The following SLC7A14 variants were observed in gnomAD, a reference collection of about 807,000 sequenced individuals.
SLC7A14 encodes solute carrier family 7 member 14.
In SLC7A14, 37 loss-of-function variants were observed where a neutral mutation model predicts 60.2. The observed-to-expected ratio is 0.61, with a 90% CI of 0.47 to 0.81. SLC7A14 has a LOEUF of 0.81. Ranked by LOEUF, SLC7A14 falls within the 30% of genes least tolerant of loss-of-function variation. SLC7A14 has a pLI of 0.00. For missense variants in SLC7A14, 886 were observed against 982.7 expected (o/e 0.90, Z 1.32); for synonymous variants, 399 against 395.8 (o/e 1.01, Z -0.10).
Position 170,532,338 on chromosome 3 carries a change from C to T in SLC7A14, c.-152-5250G>A, listed in dbSNP as rs576413086. On this transcript the variant is annotated intron_variant, in intron 1 of 7. Transcript: ENST00000231706. This position sits in a 1 kb window ranked among gnomAD's most constrained non-coding sequence, Gnocchi z 4.0. The stretch of plus-strand genomic sequence containing the variant: ...CCCTTCTGAGGTCTCTGCCCACTCC[C>T]GCATCCAGGTCTTGGCTAACCCTCT... Among the ~76,000 whole-genome samples the T allele has an allele frequency of 3.3e-5, 5 of 152,206 alleles. No individual in the cohort carries two copies. The highest frequency in any genetic ancestry group is 2.1e-4 in the South Asian group (1 of 4,834).
intron 1 of SLC7A14, among the ~76,000 whole-genome samples, chr3:170,559,502 A>G (rs1317456549): frequency 6.6e-6 from 1 of 152,180 alleles, no homozygotes; most frequent in Non-Finnish European, 1.5e-5. Flanking sequence ...TATATAAGAG[A>G]TGCGGCAGTC....
At chr3:170,572,299 C>T (rs1472432735) in intron 1 of SLC7A14, among the ~76,000 whole-genome samples, 2 of 152,154 alleles carry the variant, frequency 1.3e-5, no homozygotes, top group Admixed American at 1.3e-4. Context: ...TGTCAGATGG[C>T]ATGGTCTTTG....
chr3:170,497,446 C>CAG (rs3077201), intron 4 of SLC7A14, among the ~76,000 whole-genome samples: 56,857 of 151,934 alleles, frequency 0.37, 12,444 homozygotes, highest in African/African-American at 0.63. Flanking sequence ...TCGGAATAAA[C>CAG]AAGTGATTTT....
At chr3:170,520,343 A>G (rs934222207) in intron 2 of SLC7A14, among the ~76,000 whole-genome samples, 10 of 152,354 alleles carry the variant, frequency 6.6e-5, no homozygotes, top group African/African-American at 2.2e-4. Context: ...TAGGTACTCA[A>G]TAAGTGGTAG....
chr3:170,546,989 T>C (rs1329773307), intron 1 of SLC7A14, among the ~76,000 whole-genome samples: 1 of 152,094 alleles, frequency 6.6e-6, no homozygotes, highest in South Asian at 2.1e-4. Context: ...TTCCAAGAGA[T>C]TTATATTGAA....
At chr3:170,511,901 G>A (rs1019587082) in intron 2 of SLC7A14, among the ~76,000 whole-genome samples, 4 of 152,084 alleles carry the variant, frequency 2.6e-5, no homozygotes, top group African/African-American at 9.7e-5. Context: ...AAATTGTGAG[G>A]GTGAATAGAA....
At chr3:170,492,925 C>T (rs948686084) in intron 4 of SLC7A14, among the ~76,000 whole-genome samples, 4 of 152,142 alleles carry the variant, frequency 2.6e-5, no homozygotes, top group Non-Finnish European at 5.9e-5. Flanking sequence ...AGCAGCCTGT[C>T]CCCAGTGACA....
At position 170,526,085 on chromosome 3, in the gene SLC7A14, A is replaced by C. The variant is rs1303626116; in HGVS notation, c.304+548T>G. ...GAGCAAGACTCTGTTTAAAAAAAAA[A>C]AACCCAGAAAACAAACAACAACAAC... On this transcript the variant is annotated intron_variant, in intron 2 of 7. Coordinates refer to ENST00000231706, the MANE Select transcript of SLC7A14 (RefSeq NM_020949.3). Among the ~76,000 whole-genome samples the C allele has an allele frequency of 4.6e-5, 7 of 151,232 alleles. No homozygotes were observed. The East Asian group carries it at 1.2e-3, about 25-fold the overall frequency.
chr3:170,582,319 A>G (rs568924184), intron 1 of SLC7A14, among the ~76,000 whole-genome samples: 3 of 152,246 alleles, frequency 2.0e-5, no homozygotes, highest in African/African-American at 7.2e-5. Context: ...AACTTTCTTA[A>G]ATGATAAAAA....
intron 1 of SLC7A14, among the ~76,000 whole-genome samples, chr3:170,528,821 A>G (rs1315969535): frequency 6.6e-6 from 1 of 152,140 alleles, no homozygotes; most frequent in African/African-American, 2.4e-5. Context: ...TGGCAAGAAA[A>G]TATACCATAT....
At chr3:170,472,822 G>A (rs1489214227) in intron 7 of SLC7A14, among the ~76,000 whole-genome samples, 1 of 152,036 alleles carries the variant, frequency 6.6e-6, no homozygotes, top group Non-Finnish European at 1.5e-5. Flanking sequence ...TCAAAGGGAG[G>A]CTTTGGCTTC....
intron 2 of SLC7A14, among the ~76,000 whole-genome samples, chr3:170,511,458 A>G (rs1444831895): frequency 1.3e-5 from 2 of 152,136 alleles, no homozygotes; most frequent in East Asian, 3.8e-4. Flanking sequence ...GGAGCAGGTC[A>G]CCCAATTCAT....
At chr3:170,504,768 G>C (rs890318058) in intron 2 of SLC7A14, among the ~76,000 whole-genome samples, 10 of 152,134 alleles carry the variant, frequency 6.6e-5, no homozygotes, top group Non-Finnish European at 1.3e-4. Flanking sequence ...TACAGCTAAA[G>C]TCAACTCTTA....
chr3:170,569,325 G>A (rs374592254), intron 1 of SLC7A14, among the ~76,000 whole-genome samples: 16 of 152,086 alleles, frequency 1.1e-4, no homozygotes, highest in African/African-American at 2.4e-4. Context: ...ATTGATTTGC[G>A]TATGTTGAAC....
chr3:170,559,686 C>T (rs1714587253), intron 1 of SLC7A14, among the ~76,000 whole-genome samples: 1 of 152,122 alleles, frequency 6.6e-6, no homozygotes, highest in Non-Finnish European at 1.5e-5. Context: ...AAAAATAACC[C>T]AATAGATTCA....
chr3:170,560,820 T>G lies in SLC7A14; in HGVS notation c.-153+25091A>C, dbSNP rs192546005. ...CAATTAATCTTTGACGTGTTTTAAT[T>G]TAGCCTATGAATTGCATTGCTTCGG... On this transcript the variant is annotated intron_variant, in intron 1 of 7. Coordinates refer to ENST00000231706, the MANE Select transcript of SLC7A14 (RefSeq NM_020949.3). Among the ~76,000 whole-genome samples the G allele has an allele frequency of 7.0e-4, 106 of 152,356 alleles. 1 individual carries two copies. The highest frequency in any genetic ancestry group is 2.4e-3 in the African/African-American group (101 of 41,592).
chr3:170,512,979 AGT>A (rs1447521774), intron 2 of SLC7A14, among the ~76,000 whole-genome samples: 1 of 152,132 alleles, frequency 6.6e-6, no homozygotes, highest in Admixed American at 6.5e-5. Context: ...CTGTGGCCGC[AGT>A]GTCTTCTGTG....
At chr3:170,512,816 A>G (rs944220609) in intron 2 of SLC7A14, among the ~76,000 whole-genome samples, 8 of 151,634 alleles carry the variant, frequency 5.3e-5, no homozygotes, top group African/African-American at 1.9e-4. Context: ...GGCGCCCGCC[A>G]CTACGCCCGG....
chr3:170,500,810 T>TATTTGTCC (rs1403407753), intron 3 of SLC7A14, among the ~76,000 whole-genome samples: 1 of 117,528 alleles, frequency 8.5e-6, no homozygotes, highest in Non-Finnish European at 2.0e-5. Context: ...AGCTACATAG[T>TATTTGTCC]ATTTGTCTGC....
Sources: allele counts gnomAD v4.1 joint callset (sites outside exome capture counted in the v4.1 genomes callset), GRCh38; gene constraint gnomAD v4.1.1; non-coding constraint Gnocchi (gnomAD v3.1); transcripts MANE v1.5; gene names NCBI Gene and HGNC (gene_info 2026-07-23, HGNC 2026-07-21).